The following CHD6 variants were observed in gnomAD, a reference collection of about 807,000 sequenced individuals.
CHD6 encodes ATP-dependent chromatin remodeler CHD6.
CHD6 carries 50 observed loss-of-function variants against 276.9 expected under a neutral mutation model. The observed-to-expected ratio is 0.18, with a 90% CI of 0.14 to 0.23. The LOEUF is 0.23. Among genes scored for constraint, CHD6 ranks in the 10% least tolerant of loss-of-function variants. The pLI, the probability that CHD6 is intolerant of heterozygous loss-of-function variation, is 1.00. For missense variants in CHD6, 2,564 were observed against 3,365.8 expected, an observed-to-expected ratio of 0.76 and a Z score of 5.89; for synonymous variants, 1,173 against 1,229.3, an observed-to-expected ratio of 0.95 and a Z score of 0.96.
In CHD6 at chr20:41,420,607, A is replaced by C. The variant is rs768775579; in HGVS notation, c.6028T>G (p.Phe2010Val). 13 of 1,614,232 alleles carry C rather than the reference A, an allele frequency of 8.1e-6. No individual in the cohort carries two copies. Among genetic ancestry groups the C allele is most frequent in the Non-Finnish European group, 1.0e-5 (12 of 1,180,032 alleles). The change falls in exon 31 of 37, where the codon TTC becomes GTC. Residue 2010 changes from phenylalanine (F) to valine (V), a missense_variant. Physicochemically the swap from Phe to Val is conservative, Grantham distance 50. This residue lies in a region of CHD6 where 1,024 missense variants were observed against 1,047.9 expected (regional missense o/e 0.98). Transcript: ENST00000373233. ...CTTCCTTCAAGAGGATATGTGGGGA[A>C]AACGTTTTGCCCCTCTGCACTTTCT... is the stretch of plus-strand genomic sequence containing the variant. ...WKESAEGQNV[F>V]PTYPLEGSEL... is the part of the protein sequence containing the mutation.
At chr20:41,591,365 CAT>C (rs761622140) in intron 1 of CHD6, among the ~76,000 whole-genome samples, 393 of 144,030 alleles carry the variant, frequency 2.7e-3, no homozygotes, top group Admixed American at 5.2e-3. Context: ...TATAATTTTA[CAT>C]ATATATATAT....
At chr20:41,555,575 C>T (rs1029927540) in intron 1 of CHD6, among the ~76,000 whole-genome samples, 46 of 146,020 alleles carry the variant, frequency 3.2e-4, no homozygotes, top group Non-Finnish European at 5.2e-4. Flanking sequence ...ACTTCTCAGA[C>T]GGGGCGGCCG....
rs769770668 is a variant in CHD6, at chr20:41,451,841, G to C, written c.3508C>G (p.Leu1170Val). 7 of 1,614,178 alleles carry C rather than the reference G, an allele frequency of 4.3e-6. No homozygotes were observed. Among genetic ancestry groups the C allele is most frequent in the Non-Finnish European group, 5.9e-6 (7 of 1,179,996 alleles). The part of the protein sequence containing the change: ...TPTKDGQAQT[L>V]QNHSGLSAPV... ...CACCTCTCACCTGAGTGGTTCTGGA[G>C]GGTCTGGGCTTGCCCATCTTTGGTA... is the stretch of plus-strand genomic sequence containing the variant. The change falls in exon 22 of 37, where the codon CTC becomes GTC. Residue 1170 changes from leucine to valine, a missense_variant. This residue lies in a region of CHD6 where 515 missense variants were observed against 739.5 expected (regional missense o/e 0.70). Coordinates refer to ENST00000373233, the MANE Select transcript of CHD6 (RefSeq NM_032221.5).
Position 41,473,625 on chromosome 20 carries a change from T to C in CHD6, c.2469-108A>G, listed in dbSNP as rs746785475. The C allele has an allele frequency of 3.1e-5, 27 of 876,066 alleles. No individual in the cohort carries two copies. In the South Asian group the frequency reaches 4.5e-4, roughly 14 times the overall value. The allele number at this position is 876,066 out of a possible 1,614,324, so 54.3% of individuals were successfully genotyped here. On this transcript the variant is annotated intron_variant, in intron 16 of 36. Coordinates refer to ENST00000373233, the MANE Select transcript of CHD6 (RefSeq NM_032221.5). This position sits in a 1 kb window ranked among gnomAD's most constrained non-coding sequence, Gnocchi z 4.1. The stretch of plus-strand genomic sequence containing the variant: ...CTGATGGCCTTAAATCCCTCACTTC[T>C]AAATTTGGACCAAATGACAGCAGTC...
At chr20:41,488,987 C>A (rs948278571) in intron 12 of CHD6, among the ~76,000 whole-genome samples, 14 of 152,182 alleles carry the variant, frequency 9.2e-5, no homozygotes, top group Admixed American at 7.9e-4. Flanking sequence ...AAACTCTCTG[C>A]TATTTTTCAG....
At chr20:41,511,971 A>C (rs979269880) in intron 5 of CHD6, among the ~76,000 whole-genome samples, 5 of 123,552 alleles carry the variant, frequency 4.0e-5, no homozygotes, top group African/African-American at 2.2e-4. Flanking sequence ...AAAGACTTTT[A>C]CATTTTTTTT....
At chr20:41,559,860 C>G (rs2045282796) in intron 1 of CHD6, among the ~76,000 whole-genome samples, 1 of 151,742 alleles carries the variant, frequency 6.6e-6, no homozygotes, top group Admixed American at 6.6e-5. Context: ...AACTCAGTAC[C>G]ACCTTTACAC....
rs184349717 is a variant in CHD6, at chr20:41,561,432, T to C, written c.-23-10072A>G. Among the ~76,000 whole-genome samples the C allele has an allele frequency of 1.7e-3, 261 of 152,306 alleles. 1 individual carries two copies. Among genetic ancestry groups the C allele is most frequent in the Middle Eastern group, 0.014 (4 of 294 alleles). On this transcript the variant is annotated intron_variant, in intron 1 of 36. Coordinates refer to ENST00000373233, the MANE Select transcript of CHD6 (RefSeq NM_032221.5). ...TAAAACCTTGAAACTCCTTTCAATC[T>C]AAGCTCAATGTTCTTCTCTTGGGTC...
At chr20:41,438,905 G>A (rs2047805888) in intron 26 of CHD6, among the ~76,000 whole-genome samples, 1 of 152,164 alleles carries the variant, frequency 6.6e-6, no homozygotes, top group South Asian at 2.1e-4. Context: ...CAGGGGTTAA[G>A]GACAGATGGA....
At chr20:41,563,017 C>T (rs2045318507) in intron 1 of CHD6, among the ~76,000 whole-genome samples, 1 of 152,174 alleles carries the variant, frequency 6.6e-6, no homozygotes, top group Non-Finnish European at 1.5e-5. Context: ...TGAAAGGATG[C>T]ATTACCATCA....
chr20:41,616,908 T>A (rs145144153), intron 1 of CHD6, among the ~76,000 whole-genome samples: 8 of 152,078 alleles, frequency 5.3e-5, no homozygotes, highest in Non-Finnish European at 1.2e-4. Context: ...AGACCCCCAA[T>A]AAGTTACACA....
chr20:41,595,566 A>G (rs1339901665), intron 1 of CHD6, among the ~76,000 whole-genome samples: 1 of 152,226 alleles, frequency 6.6e-6, no homozygotes, highest in East Asian at 1.9e-4. Flanking sequence ...TTAGCCCCAC[A>G]CATGCAGGAA....
chr20:41,416,769 T>C lies in CHD6; in HGVS notation c.6305A>G (p.Asp2102Gly). The C allele has an allele frequency of 6.3e-7, 1 of 1,597,544 alleles. No individual in the cohort carries two copies. Among genetic ancestry groups the C allele is most frequent in the Non-Finnish European group, 8.5e-7 (1 of 1,169,686 alleles). Residue 2102 changes from aspartate to glycine, a missense_variant, in exon 33 of 37, where the codon GAT (aspartate) becomes GGT (glycine). Around this residue, in one of 7 missense-constraint regions of CHD6, gnomAD observed 1,024 missense variants for 1,047.9 expected, o/e 0.98. Transcript: ENST00000373233. Reference sequence around the variant, plus strand: ...CTTTAACACCACGTGGCAGATATTATCTAGGCGGTTAATTATCACGCGGTC... The same window carrying C: ...CTTTAACACCACGTGGCAGATATTACCTAGGCGGTTAATTATCACGCGGTC... ...PKDRVIINRL[D>G]NICHVVLKGK...
Position 41,421,135 on chromosome 20 carries a change from A to C in CHD6, c.5500T>G (p.Ser1834Ala). 6.2e-7 allele frequency: 1 copy of C among 1,614,102 alleles called. No individual in the cohort carries two copies. Among genetic ancestry groups the C allele is most frequent in the East Asian group, 2.2e-5 (1 of 44,890 alleles). Residue 1834 changes from serine to alanine, a missense_variant, in exon 31 of 37, where the codon TCC (serine) becomes GCC (alanine). Physicochemically the swap from Ser to Ala is moderately conservative, Grantham distance 99. Coordinates refer to ENST00000373233, the MANE Select transcript of CHD6 (RefSeq NM_032221.5). Reference sequence around the variant, plus strand: ...TGATCTGATGACAGGTTTCTTTTGGAGTCACAGACACTAAGACTGCACATA... The same window carrying C: ...TGATCTGATGACAGGTTTCTTTTGGCGTCACAGACACTAAGACTGCACATA... ...VDMCSLSVCD[S>A]KRNLSSDQQL...
chr20:41,405,550 G>C (rs1485835726), intron 36 of CHD6, 61 bp from the exon 37 acceptor site: 2 of 1,336,866 alleles, frequency 1.5e-6, no homozygotes, highest in African/African-American at 1.5e-5. Context: ...GTCAGCTGAG[G>C]GTGATGACCA....
rs549347552 is a variant in CHD6 at position 41,431,885 on chromosome 20, G to A, written c.4068+5389C>T. 5.4e-5 allele frequency among the ~76,000 whole-genome samples: 8 copies of A among 149,410 alleles called. No individual in the cohort carries two copies. The South Asian group carries it at 6.4e-4, about 12-fold the overall frequency. On this transcript the variant is annotated intron_variant, in intron 27 of 36. Transcript: ENST00000373233. ...GGCCCTCAAAAAAAACCTTCCGGGC[G>A]CGGTGGCTCACGCCTGTAATCCCAG...
At chr20:41,510,849 C>G (rs1162070568) in intron 5 of CHD6, among the ~76,000 whole-genome samples, 2 of 152,216 alleles carry the variant, frequency 1.3e-5, no homozygotes, top group African/African-American at 4.8e-5. Flanking sequence ...AATTCTATCA[C>G]CTCATGGCAG....
chr20:41,572,754 G>A (rs1269686687), intron 1 of CHD6, among the ~76,000 whole-genome samples: 5 of 152,020 alleles, frequency 3.3e-5, no homozygotes, highest in Non-Finnish European at 7.4e-5. Flanking sequence ...CCACCCAATG[G>A]GCTACAACCA....
chr20:41,468,124 T>TGG (rs2042970046), intron 17 of CHD6, among the ~76,000 whole-genome samples: 1 of 150,574 alleles, frequency 6.6e-6, no homozygotes, highest in South Asian at 2.1e-4. Flanking sequence ...TTTTTTTTTT[T>TGG]GGGAGATGGA....
Sources: gnomAD v4.1 joint callset for allele counts (sites outside exome capture counted in the v4.1 genomes callset) on GRCh38, gnomAD v4.1.1 for gene constraint, gnomAD v4.1.1 regional missense constraint, Gnocchi (gnomAD v3.1) non-coding constraint, MANE v1.5 for transcripts, NCBI Gene and HGNC (gene_info 2026-07-23, HGNC 2026-07-21) for gene names.